Variants in PUM2 observed in about 807,000 individuals in gnomAD.
PUM2 encodes pumilio homolog 2.
In PUM2, 57 loss-of-function variants were observed where a neutral mutation model predicts 124.5. The observed-to-expected ratio is 0.46, with a 90% CI of 0.37 to 0.57. The LOEUF (loss-of-function observed/expected upper bound fraction) is 0.57, where lower values mean the gene tolerates loss of function less well. Among genes scored for constraint, PUM2 ranks in the 20% least tolerant of loss-of-function variants. The pLI is 0.00. For missense variants in PUM2, 1,065 were observed against 1,290.6 expected (o/e 0.83, Z 2.68); for synonymous variants, 460 against 446.1 (o/e 1.03, Z -0.39).
intron 12 of PUM2, among the ~76,000 whole-genome samples, chr2:20,282,103 A>T (rs1267440188): frequency 6.6e-6 from 1 of 152,200 alleles, no homozygotes; most frequent in East Asian, 1.9e-4. Context: ...ATGAAGTAAA[A>T]GCTGCCAGCT....
intron 1 of PUM2, among the ~76,000 whole-genome samples, chr2:20,349,585 G>C (rs1421941711): frequency 6.6e-6 from 1 of 151,786 alleles, no homozygotes; most frequent in African/African-American, 2.4e-5. Context: ...ATGGTGAAGA[G>C]TCACCTGTTA....
intron 17 of PUM2, 67 bp from the exon 18 acceptor site, chr2:20,255,408 CTGGT>C: frequency 6.9e-7 from 1 of 1,444,476 alleles, no homozygotes; most frequent in South Asian, 1.3e-5. Context: ...ATGAAGCAGA[CTGGT>C]TTGTTTTTTT....
chr2:20,315,919 A>G (rs1680829567), intron 3 of PUM2, among the ~76,000 whole-genome samples: 1 of 152,064 alleles, frequency 6.6e-6, no homozygotes, highest in African/African-American at 2.4e-5. Flanking sequence ...TGGTAAATAA[A>G]CTGTGCATTC....
At chr2:20,302,865 T>C (rs1677329908) in intron 7 of PUM2, among the ~76,000 whole-genome samples, 1 of 152,062 alleles carries the variant, frequency 6.6e-6, no homozygotes, top group Non-Finnish European at 1.5e-5. Flanking sequence ...CTGAAATCGG[T>C]TAAAACCAAT....
intron 3 of PUM2, among the ~76,000 whole-genome samples, chr2:20,313,517 A>G (rs949809384): frequency 1.3e-5 from 2 of 152,336 alleles, no homozygotes; most frequent in Non-Finnish European, 2.9e-5. Flanking sequence ...GTAACAATTC[A>G]TAATATAAAC....
rs116628417 is a variant in PUM2, at chr2:20,342,970, T to C, written c.-19+7627A>G. 7.2e-3 allele frequency among the ~76,000 whole-genome samples: 1,095 copies of C among 152,200 alleles called. 20 individuals carry two copies. The highest frequency in any genetic ancestry group is 0.025 in the African/African-American group (1,048 of 41,510). ...CAAGGATTAAGTATTAAATCATATA[T>C]ATATTTATAGACAGGGTCTTACTCT... On this transcript the variant is annotated intron_variant, in intron 1 of 20. Transcript: ENST00000361078.
intron 1 of PUM2, among the ~76,000 whole-genome samples, chr2:20,345,065 TAC>T (rs1687980390): frequency 6.7e-6 from 1 of 148,620 alleles, no homozygotes; most frequent in Non-Finnish European, 1.5e-5. Context: ...AGTCTCTACC[TAC>T]ATGTGTCCAC....
At chr2:20,287,226 A>C (rs1259713888) in intron 10 of PUM2, among the ~76,000 whole-genome samples, 1 of 152,214 alleles carries the variant, frequency 6.6e-6, no homozygotes, top group African/African-American at 2.4e-5. Context: ...TTAAAATAAG[A>C]GTTGTAGAAT....
intron 10 of PUM2, among the ~76,000 whole-genome samples, chr2:20,290,083 C>T (rs1257260951): frequency 6.6e-6 from 1 of 152,150 alleles, no homozygotes; most frequent in Non-Finnish European, 1.5e-5. Flanking sequence ...TACTTTGTTG[C>T]CCTTTCCCAA....
chr2:20,279,151 C>T (rs1049321450), intron 12 of PUM2, among the ~76,000 whole-genome samples: 6 of 152,132 alleles, frequency 3.9e-5, no homozygotes, highest in African/African-American at 1.2e-4. Flanking sequence ...TTAGGACATG[C>T]TAGAGATTAA....
intron 9 of PUM2, among the ~76,000 whole-genome samples, chr2:20,291,073 T>TA (rs567548634): frequency 7.3e-5 from 11 of 151,630 alleles, no homozygotes; most frequent in African/African-American, 2.4e-4. Context: ...CAAAGTAGTT[T>TA]AAAAAATAAT....
intron 13 of PUM2, among the ~76,000 whole-genome samples, chr2:20,265,872 T>G (rs1667526710): frequency 6.6e-6 from 1 of 151,418 alleles, no homozygotes; most frequent in Non-Finnish European, 1.5e-5. Context: ...CAAACACCCT[T>G]AATGCATTAA....
chr2:20,313,860 A>G (rs967305413), intron 3 of PUM2, among the ~76,000 whole-genome samples: 2 of 143,110 alleles, frequency 1.4e-5, no homozygotes, highest in East Asian at 2.1e-4. Context: ...AAAAAAAAAA[A>G]GGCCAGGGGC....
intron 3 of PUM2, among the ~76,000 whole-genome samples, chr2:20,315,795 T>C (rs1414503623): frequency 9.1e-6 from 1 of 109,388 alleles, no homozygotes; most frequent in Non-Finnish European, 1.7e-5. Flanking sequence ...ACCCCATCTC[T>C]ACCAAAAATA....
At chr2:20,263,060 T>C (rs1666681876) in intron 14 of PUM2, 133 bp downstream of exon 14, 2 of 783,706 alleles carry the variant, frequency 2.6e-6, no homozygotes, top group South Asian at 2.2e-5. Context: ...AGAAAAAACA[T>C]ATAATCCATA....
chr2:20,351,811 C>T (rs540923748), upstream of PUM2, among the ~76,000 whole-genome samples: 2 of 152,160 alleles, frequency 1.3e-5, no homozygotes, highest in South Asian at 2.1e-4. Context: ...CTTCCCTAGG[C>T]GACTGTGAGC....
At chr2:20,350,382 G>T in intron 1 of PUM2, 2 of 785,826 alleles carry the variant, frequency 2.5e-6, no homozygotes, top group Non-Finnish European at 3.1e-6. Context: ...CGGCCGGCGC[G>T]GCGCCCCCTC....
chr2:20,277,798 T>C (rs1670596192), intron 13 of PUM2, among the ~76,000 whole-genome samples: 5 of 152,100 alleles, frequency 3.3e-5, no homozygotes, highest in African/African-American at 9.7e-5. Context: ...GCTGAATAAC[T>C]AGAATTATAA....
chr2:20,251,764 T>C, intron 20 of PUM2, 48 bp from the exon 21 acceptor site: 1 of 1,590,230 alleles, frequency 6.3e-7, no homozygotes, highest in African/African-American at 1.3e-5. Context: ...TTTTAGTTTC[T>C]GATTTCTTAA....
Sources: allele counts gnomAD v4.1 joint callset (sites outside exome capture counted in the v4.1 genomes callset), GRCh38; gene constraint gnomAD v4.1.1; transcripts MANE v1.5; gene names NCBI Gene and HGNC (gene_info 2026-07-23, HGNC 2026-07-21).